GPHN: variants seen among roughly 807,000 people sequenced by gnomAD.
The protein encoded by GPHN is gephyrin.
Under a neutral mutation model 95.5 loss-of-function variants are expected in GPHN, and 17 were observed. That is an observed-to-expected ratio of 0.18 (90% CI 0.12 to 0.27). The LOEUF (loss-of-function observed/expected upper bound fraction) is 0.27. Ranked by LOEUF, GPHN falls within the 10% of genes least tolerant of loss-of-function variation. The pLI is 1.00. For missense variants in GPHN, 660 were observed against 978.1 expected (o/e 0.67, Z 4.34); for synonymous variants, 320 against 322.5 (o/e 0.99, Z 0.08).
intron 1 of GPHN, among the ~76,000 whole-genome samples, chr14:66,556,846 T>C (rs1313638450): frequency 1.3e-5 from 2 of 152,072 alleles, no homozygotes. Context: ...GGTCCTAGAA[T>C]ACACAAAGGC....
intron 9 of GPHN, among the ~76,000 whole-genome samples, chr14:67,009,758 G>A (rs1261669465): frequency 2.0e-5 from 3 of 151,848 alleles, no homozygotes; most frequent in Non-Finnish European, 2.9e-5. Context: ...AGTTTCTGGG[G>A]TTTTTTATTT....
the GPHN span, chr14:67,653,501 G>A: frequency 5.0e-6 from 8 of 1,613,038 alleles, no homozygotes; most frequent in Non-Finnish European, 6.8e-6. Flanking sequence ...TTTACCAGCT[G>A]AGAAGAGAAA....
chr14:67,410,404 C>T, the GPHN span, among the ~76,000 whole-genome samples: 9 of 152,162 alleles, frequency 5.9e-5, no homozygotes, highest in African/African-American at 2.2e-4. Flanking sequence ...CTCCCACCTC[C>T]CAAGCCGCAG....
At chr14:67,242,254 A>T in the GPHN span, among the ~76,000 whole-genome samples, 1 of 152,156 alleles carries the variant, frequency 6.6e-6, no homozygotes, top group African/African-American at 2.4e-5. Flanking sequence ...TTTCGGTCAA[A>T]AGGTTTTTCT....
chr14:67,568,404 A>G, the GPHN span, among the ~76,000 whole-genome samples: 1 of 152,114 alleles, frequency 6.6e-6, no homozygotes, highest in African/African-American at 2.4e-5. Context: ...ATGAGAACAC[A>G]TGGACACAGG....
chr14:67,597,776 A>G, the GPHN span, among the ~76,000 whole-genome samples: 1 of 152,186 alleles, frequency 6.6e-6, no homozygotes, highest in African/African-American at 2.4e-5. Context: ...AAAAAAAGAC[A>G]TTAAAGCACA....
chr14:66,616,801 A>C (rs548707479), intron 1 of GPHN, among the ~76,000 whole-genome samples: 1 of 152,028 alleles, frequency 6.6e-6, no homozygotes, highest in African/African-American at 2.4e-5. Flanking sequence ...TCTGCCTCCC[A>C]GGTTCAAGCA....
intron 14 of GPHN, among the ~76,000 whole-genome samples, chr14:67,111,297 T>C (rs2078358562): frequency 6.6e-6 from 1 of 152,198 alleles, no homozygotes; most frequent in Non-Finnish European, 1.5e-5. Context: ...ATCCACAGAC[T>C]CTGCCAGATG....
chr14:67,102,165 C>G (rs930772303), intron 13 of GPHN, among the ~76,000 whole-genome samples: 3 of 152,012 alleles, frequency 2.0e-5, no homozygotes, highest in Admixed American at 6.5e-5. Context: ...AGCCACCGCG[C>G]CCGGCCTGGC....
chr14:66,980,823 G>A (rs1386476366), intron 9 of GPHN, among the ~76,000 whole-genome samples: 1 of 152,230 alleles, frequency 6.6e-6, no homozygotes, highest in Non-Finnish European at 1.5e-5. Flanking sequence ...GGCCAAGGCA[G>A]GAGTATCACC....
At chr14:67,391,535 T>C in the GPHN span, among the ~76,000 whole-genome samples, 4 of 152,138 alleles carry the variant, frequency 2.6e-5, no homozygotes, top group Non-Finnish European at 4.4e-5. Context: ...GATCCTGATA[T>C]GCAGGAAGCA....
At chr14:66,947,876 G>A (rs542197828) in intron 8 of GPHN, among the ~76,000 whole-genome samples, 1 of 152,228 alleles carries the variant, frequency 6.6e-6, no homozygotes, top group African/African-American at 2.4e-5. Context: ...AATTGTGTGA[G>A]CCCAGGAGTT....
chr14:67,578,329 T>G, the GPHN span: 1 of 831,600 alleles, frequency 1.2e-6, no homozygotes, highest in East Asian at 2.6e-5. The surrounding 1 kb of genome is among the most constrained non-coding windows in gnomAD (Gnocchi z 5.0). Flanking sequence ...TGCTCCAAGC[T>G]GCATCAGTAC....
At chr14:67,409,895 A>C in the GPHN span, among the ~76,000 whole-genome samples, 1 of 152,112 alleles carries the variant, frequency 6.6e-6, no homozygotes, top group Non-Finnish European at 1.5e-5. Context: ...GGGTTGAAAA[A>C]GTTGGGATTA....
At chr14:67,210,587 AAATATTTG>A in the GPHN span, among the ~76,000 whole-genome samples, 1 of 152,160 alleles carries the variant, frequency 6.6e-6, no homozygotes, top group Non-Finnish European at 1.5e-5. Flanking sequence ...TAAAAGGAAT[AAATATTTG>A]TTGTAGCTAT....
chr14:67,731,207 C>CTTTTTTTTTT, the GPHN span, among the ~76,000 whole-genome samples: 1 of 90,622 alleles, frequency 1.1e-5, no homozygotes, highest in African/African-American at 4.9e-5. Context: ...TTCTTTCTTT[C>CTTTTTTTTTT]TTTTTTTTTT....
At chr14:67,084,638 G>T (rs185234005) in intron 11 of GPHN, among the ~76,000 whole-genome samples, 6 of 152,244 alleles carry the variant, frequency 3.9e-5, no homozygotes, top group Middle Eastern at 3.4e-3. Flanking sequence ...AGGCCCTACG[G>T]GTATTTTTGT....
intron 2 of GPHN, among the ~76,000 whole-genome samples, chr14:66,709,877 G>A (rs1263195350): frequency 4.6e-5 from 7 of 151,850 alleles, no homozygotes; most frequent in Admixed American, 4.6e-4. Context: ...GACAATTTGA[G>A]TTATCAGTGT....
At chr14:66,569,041 A>T (rs2060570057) in intron 1 of GPHN, among the ~76,000 whole-genome samples, 1 of 152,194 alleles carries the variant, frequency 6.6e-6, no homozygotes, top group Admixed American at 6.5e-5. Context: ...AATCATATTC[A>T]GCACATGAAA....
Sources: allele counts gnomAD v4.1 joint callset (sites outside exome capture counted in the v4.1 genomes callset), GRCh38; gene constraint gnomAD v4.1.1; non-coding constraint Gnocchi (gnomAD v3.1); transcripts MANE v1.5; gene names NCBI Gene and HGNC (gene_info 2026-07-23, HGNC 2026-07-21).